The following DNAH3 variants were observed in gnomAD, a reference collection of about 807,000 sequenced individuals.
DNAH3 encodes dynein axonemal heavy chain 3.
In DNAH3, 332 loss-of-function variants were observed where a neutral mutation model predicts 432.5. The ratio of observed to expected loss-of-function variants is 0.77; its 90% CI spans 0.70 to 0.84. DNAH3 has a LOEUF of 0.84. Among genes scored for constraint, DNAH3 ranks in the 40% least tolerant of loss-of-function variants. The pLI, the probability that DNAH3 is intolerant of heterozygous loss-of-function variation, is 0.00. For missense variants in DNAH3, 4,861 were observed against 5,114.0 expected (o/e 0.95, Z 1.51); for synonymous variants, 1,956 against 1,900.2 (o/e 1.03, Z -0.76).
chr16:21,067,471 G>C, intron 23 of DNAH3, 52 bp from the exon 24 acceptor site: 1 of 1,601,846 alleles, frequency 6.2e-7, no homozygotes, highest in Non-Finnish European at 8.5e-7. Context: ...CAAGTTCTGA[G>C]ATTGGTCATT....
rs150791514 is a variant in DNAH3 at position 21,122,057 on chromosome 16, T to C, written c.1472A>G (p.Lys491Arg). The change falls in exon 10 of 62, where the codon AAA becomes AGA. Residue 491 changes from lysine (K) to arginine (R), a missense_variant. By Grantham distance (26) the Lys-to-Arg change is conservative. Transcript: ENST00000261383. ...AATAATGGGTTCACTGACTTCAAGTTTGATCATGATTAGCTGAGGTATGAA... is the reference window on the plus strand; with the variant it reads ...AATAATGGGTTCACTGACTTCAAGTCTGATCATGATTAGCTGAGGTATGAA... The C allele has an allele frequency of 1.2e-5, 19 of 1,613,764 alleles. No individual in the cohort carries two copies. The African/African-American group carries it at 2.1e-4, about 18-fold the overall frequency.
chr16:21,105,183 G>A (rs1376978197), intron 15 of DNAH3, among the ~76,000 whole-genome samples: 1 of 152,116 alleles, frequency 6.6e-6, no homozygotes, highest in Admixed American at 6.5e-5. Context: ...TGAACATGCA[G>A]GTGGATGGTT....
At chr16:20,939,477 T>C (rs1369164221) in intron 59 of DNAH3, among the ~76,000 whole-genome samples, 1 of 152,016 alleles carries the variant, frequency 6.6e-6, no homozygotes, top group African/African-American at 2.4e-5. Context: ...CTGGGCGTGG[T>C]GGCAGGCACC....
chr16:20,987,563 A>C (rs2086259292), intron 46 of DNAH3, 115 bp from the exon 47 acceptor site: 1 of 1,537,048 alleles, frequency 6.5e-7, no homozygotes, highest in Non-Finnish European at 8.9e-7. Context: ...TAATGTTTAT[A>C]AAATGCTTAG....
At chr16:20,934,614 C>T (rs8059938) in intron 61 of DNAH3, among the ~76,000 whole-genome samples, 97,718 of 152,046 alleles carry the variant, frequency 0.64, 32,424 homozygotes, top group Non-Finnish European at 0.74. Context: ...TGAATGTGTA[C>T]TGATTTCACA....
rs1404077062 is a variant in DNAH3, at chr16:20,998,770, G to T, written c.6422-1308C>A. Among the ~76,000 whole-genome samples the T allele has an allele frequency of 4.2e-5, 6 of 141,484 alleles. No individual in the cohort carries two copies. In the South Asian group the frequency reaches 1.1e-3, roughly 26 times the overall value. The allele number at this position is 141,484 out of a possible 152,430, so 92.8% of individuals were successfully genotyped here. A position where few individuals can be genotyped will look rare whatever the true frequency, so the allele number is the denominator to read the frequency against. On this transcript the variant is annotated intron_variant, in intron 43 of 61. Transcript: ENST00000261383. Reference sequence around the variant, plus strand: ...AAAAAAAAAAAAAAAAAAAGGGGGGGGCTCCTTTAGTTTTTCTTCAACAAA... The same window carrying T: ...AAAAAAAAAAAAAAAAAAAGGGGGGTGCTCCTTTAGTTTTTCTTCAACAAA...
At chr16:20,975,440 A>G in intron 50 of DNAH3, 25 bp from the exon 51 acceptor site, 1 of 1,606,638 alleles carries the variant, frequency 6.2e-7, no homozygotes, top group Non-Finnish European at 8.5e-7. Context: ...GGTGGGAGAA[A>G]TCCAGGGTCA....
At chr16:20,967,023 G>A (rs1349324177) in intron 52 of DNAH3, among the ~76,000 whole-genome samples, 1 of 152,076 alleles carries the variant, frequency 6.6e-6, no homozygotes, top group African/African-American at 2.4e-5. Flanking sequence ...GAAGCTTTTT[G>A]GCCCATGGTA....
chr16:21,022,583 T>C (rs2088299374), intron 39 of DNAH3, among the ~76,000 whole-genome samples: 1 of 152,082 alleles, frequency 6.6e-6, no homozygotes, highest in Admixed American at 6.6e-5. Context: ...CACGTATGGG[T>C]AGGTTTATAT....
intron 31 of DNAH3, among the ~76,000 whole-genome samples, chr16:21,048,980 C>T (rs1386362825): frequency 6.6e-6 from 1 of 151,856 alleles, no homozygotes; most frequent in Non-Finnish European, 1.5e-5. Flanking sequence ...AGGTGTGAGC[C>T]ACCGCGCTCA....
At chr16:21,005,579 A>G (rs1208356054) in intron 41 of DNAH3, among the ~76,000 whole-genome samples, 1 of 151,878 alleles carries the variant, frequency 6.6e-6, no homozygotes, top group Non-Finnish European at 1.5e-5. Flanking sequence ...AGGTCTTGCT[A>G]TGTTGCCCAG....
At chr16:21,090,372 CA>C (rs113846329) in intron 18 of DNAH3, among the ~76,000 whole-genome samples, 11,780 of 114,328 alleles carry the variant, frequency 0.1, 677 homozygotes, top group East Asian at 0.22. Flanking sequence ...AGATACATTA[CA>C]AAAAAAAAAA....
rs757644241 is a variant in DNAH3 at position 20,965,267 on chromosome 16, C to T, written c.8617G>A (p.Val2873Ile). The change falls in exon 53 of 62, where the codon GTC becomes ATC. Residue 2873 changes from valine (V) to isoleucine (I), a missense_variant. Coordinates refer to ENST00000261383, the Ensembl canonical transcript of DNAH3. Reference sequence around the variant, plus strand: ...CAGGCCGACGATACATTTTTAATGACAGCTGGCTGGAATTCCGGGTGATTG... The same window carrying T: ...CAGGCCGACGATACATTTTTAATGATAGCTGGCTGGAATTCCGGGTGATTG... 3.1e-6 allele frequency: 5 copies of T among 1,613,638 alleles called. No individual in the cohort carries two copies. The South Asian group carries it at 4.4e-5, about 14-fold the overall frequency.
chr16:21,065,452 C>T (rs537984368), intron 24 of DNAH3, among the ~76,000 whole-genome samples: 3 of 152,230 alleles, frequency 2.0e-5, no homozygotes, highest in South Asian at 4.2e-4. Context: ...GGAGCCACCA[C>T]GCCTGGTCTA....
At chr16:20,964,143 G>C in exon 53 of DNAH3, 1 of 1,614,208 alleles carries the variant, frequency 6.2e-7, no homozygotes, top group Non-Finnish European at 8.5e-7. Flanking sequence ...CCTTGGACAT[G>C]GAGAGAACCT....
chr16:20,940,805 G>A (rs1372044597), intron 59 of DNAH3, among the ~76,000 whole-genome samples: 1 of 152,090 alleles, frequency 6.6e-6, no homozygotes, highest in African/African-American at 2.4e-5. Context: ...CAATACAAAT[G>A]GCTCTAGGCC....
At position 21,117,342 on chromosome 16, in the gene DNAH3, G is replaced by A. The variant is rs752732953; in HGVS notation, c.1700-25C>T. On this transcript the variant is annotated intron_variant, in intron 11 of 61. Coordinates refer to ENST00000261383, the Ensembl canonical transcript of DNAH3. ...TCTGGGAACAGGACAGATTCCACCTGAAGAGTAAACACCACTTTTGCATGT... is the reference window on the plus strand; with the variant it reads ...TCTGGGAACAGGACAGATTCCACCTAAAGAGTAAACACCACTTTTGCATGT... 5 of 1,518,544 alleles carry A rather than the reference G, an allele frequency of 3.3e-6. No individual in the cohort carries two copies. The South Asian group carries it at 5.7e-5, about 17-fold the overall frequency. The allele number at this position is 1,518,544 out of a possible 1,614,324, so 94.1% of individuals were successfully genotyped here.
At chr16:21,022,726 GATTT>G (rs1378934308) in intron 39 of DNAH3, among the ~76,000 whole-genome samples, 2 of 151,542 alleles carry the variant, frequency 1.3e-5, no homozygotes, top group African/African-American at 4.8e-5. Flanking sequence ...TTTTAAAAAA[GATTT>G]ATTTATTTAC....
intron 15 of DNAH3, among the ~76,000 whole-genome samples, chr16:21,105,079 T>C (rs188752096): frequency 1.3e-5 from 2 of 152,270 alleles, no homozygotes; most frequent in Admixed American, 6.5e-5. Flanking sequence ...TCTGGTGAAT[T>C]AAAATGTCCA....
Sources: allele counts gnomAD v4.1 joint callset (sites outside exome capture counted in the v4.1 genomes callset), GRCh38; gene constraint gnomAD v4.1.1; transcripts MANE v1.5; gene names NCBI Gene and HGNC (gene_info 2026-07-23, HGNC 2026-07-21).